CDH12: variants seen among roughly 807,000 people sequenced by gnomAD.
CDH12 encodes the protein cadherin-12.
CDH12 carries 41 observed loss-of-function variants against 74.1 expected under a neutral mutation model. The ratio of observed to expected loss-of-function variants is 0.55; its 90% CI spans 0.43 to 0.72. The LOEUF (loss-of-function observed/expected upper bound fraction) is 0.72. Among genes scored for constraint, CDH12 ranks in the 30% least tolerant of loss-of-function variants. CDH12 has a pLI of 0.00. For missense variants in CDH12, 945 were observed against 977.2 expected, an observed-to-expected ratio of 0.97 and a Z score of 0.44; for synonymous variants, 399 against 355.0, an observed-to-expected ratio of 1.12 and a Z score of -1.39.
chr5:22,555,162 T>C (rs564054790), intron 1 of CDH12, among the ~76,000 whole-genome samples: 1 of 152,190 alleles, frequency 6.6e-6, no homozygotes, highest in East Asian at 1.9e-4. Context: ...TAAATGTATC[T>C]TCTTGTGCCT....
intron 4 of CDH12, among the ~76,000 whole-genome samples, chr5:22,153,905 C>T (rs10473577): frequency 4.8e-4 from 36 of 75,078 alleles, no homozygotes; most frequent in African/African-American, 6.5e-4. Context: ...TATATATATA[C>T]ACACACATAC....
At chr5:22,304,989 T>C (rs1236420570) in intron 3 of CDH12, among the ~76,000 whole-genome samples, 3 of 152,216 alleles carry the variant, frequency 2.0e-5, no homozygotes, top group Non-Finnish European at 4.4e-5. Flanking sequence ...AGTCAATTCA[T>C]AAATATTCAA....
intron 5 of CDH12, among the ~76,000 whole-genome samples, chr5:22,032,444 G>T (rs1355301334): frequency 1.3e-5 from 2 of 151,848 alleles, no homozygotes; most frequent in Non-Finnish European, 2.9e-5. Flanking sequence ...AGGCACGGTG[G>T]CTCACTCCTA....
At position 21,883,570 on chromosome 5, in the gene CDH12, A is replaced by G. The variant is rs56947097; in HGVS notation, c.527-28780T>C. 1.7e-3 allele frequency: 2,689 copies of G among 1,606,326 alleles called. 44 individuals are homozygous for G. In the African/African-American group the frequency reaches 0.03, roughly 18 times the overall value. On this transcript the variant is annotated intron_variant, in intron 6 of 14. Coordinates refer to ENST00000382254, the MANE Select transcript of CDH12 (RefSeq NM_004061.5). ...GCTACTGGTGGTGCAGTGTTTGGAG[A>G]AGAGGGGTTGACCCTGAATCTTGAA...
At chr5:22,120,103 C>T (rs1745417216) in intron 4 of CDH12, among the ~76,000 whole-genome samples, 1 of 152,116 alleles carries the variant, frequency 6.6e-6, no homozygotes, top group Non-Finnish European at 1.5e-5. Context: ...CAGCTTTGTA[C>T]AAAACTGAAT....
intron 13 of CDH12, among the ~76,000 whole-genome samples, chr5:21,758,326 T>C (rs747953812): frequency 2.0e-5 from 3 of 151,914 alleles, no homozygotes; most frequent in Non-Finnish European, 4.4e-5. Flanking sequence ...ATTCAAACTC[T>C]ACTCAACTTG....
At chr5:22,059,257 A>C (rs1275784814) in intron 5 of CDH12, among the ~76,000 whole-genome samples, 6 of 111,896 alleles carry the variant, frequency 5.4e-5, no homozygotes, top group African/African-American at 2.2e-4. Flanking sequence ...CTTGTACTCT[A>C]TCTATCTATC....
intron 1 of CDH12, among the ~76,000 whole-genome samples, chr5:22,714,346 T>C (rs1030794982): frequency 2.0e-5 from 3 of 152,158 alleles, no homozygotes; most frequent in African/African-American, 4.8e-5. Flanking sequence ...TCTCATTAGC[T>C]TGAAGGTGGA....
intron 2 of CDH12, among the ~76,000 whole-genome samples, chr5:22,466,535 G>A (rs1452196434): frequency 6.6e-6 from 1 of 152,100 alleles, no homozygotes; most frequent in African/African-American, 2.4e-5. Context: ...GTTTGTGCAG[G>A]TGTGTGCACT....
At chr5:22,031,059 G>A (rs1738785828) in intron 5 of CDH12, among the ~76,000 whole-genome samples, 1 of 152,120 alleles carries the variant, frequency 6.6e-6, no homozygotes, top group Non-Finnish European at 1.5e-5. Flanking sequence ...TGTGGGCCAG[G>A]CATGGTATCT....
chr5:22,444,415 C>A (rs1490414544), intron 2 of CDH12, among the ~76,000 whole-genome samples: 1 of 152,064 alleles, frequency 6.6e-6, no homozygotes, highest in African/African-American at 2.4e-5. Context: ...ATATTTATTA[C>A]CTTCATCAAA....
intron 1 of CDH12, among the ~76,000 whole-genome samples, chr5:22,794,278 T>A (rs540546418): frequency 6.6e-6 from 1 of 152,154 alleles, no homozygotes; most frequent in Admixed American, 6.5e-5. Context: ...GACAAGGAGG[T>A]GGATGACCAG....
At chr5:21,857,850 G>A (rs1171828965) in intron 6 of CDH12, among the ~76,000 whole-genome samples, 2 of 151,806 alleles carry the variant, frequency 1.3e-5, no homozygotes, top group South Asian at 2.1e-4. Context: ...TTGGACACAG[G>A]AAGTTTGAGA....
At chr5:22,123,927 A>C (rs1414541909) in intron 4 of CDH12, among the ~76,000 whole-genome samples, 1 of 151,624 alleles carries the variant, frequency 6.6e-6, no homozygotes, top group Non-Finnish European at 1.5e-5. Context: ...TGAGTTTTTT[A>C]ATTTTTAAAA....
At chr5:22,752,395 C>T (rs1745624407) in intron 1 of CDH12, among the ~76,000 whole-genome samples, 1 of 151,706 alleles carries the variant, frequency 6.6e-6, no homozygotes, top group African/African-American at 2.4e-5. Flanking sequence ...TTTCATGAAG[C>T]ATGATACCTT....
At chr5:22,642,319 T>C (rs753976969) in intron 1 of CDH12, among the ~76,000 whole-genome samples, 6 of 152,190 alleles carry the variant, frequency 3.9e-5, no homozygotes, top group Non-Finnish European at 8.8e-5. Context: ...ATTTGCTCAT[T>C]GGCATAAGGA....
intron 8 of CDH12, among the ~76,000 whole-genome samples, chr5:21,831,059 AAAAC>A (rs1352500370): frequency 8.3e-6 from 1 of 120,394 alleles, no homozygotes; most frequent in Non-Finnish European, 1.6e-5. Flanking sequence ...AACAAAAACA[AAAAC>A]AAACAAAAAA....
chr5:22,230,574 G>A (rs374577253), intron 3 of CDH12, among the ~76,000 whole-genome samples: 11 of 150,840 alleles, frequency 7.3e-5, no homozygotes, highest in African/African-American at 2.7e-4. Context: ...CGGTTTAAGC[G>A]ATTCTCCTGC....
At chr5:22,756,788 C>T (rs1054086553) in intron 1 of CDH12, among the ~76,000 whole-genome samples, 9 of 151,886 alleles carry the variant, frequency 5.9e-5, no homozygotes, top group African/African-American at 1.7e-4. Context: ...GGTGAAACCC[C>T]GTCTCTACTA....
Sources: allele counts gnomAD v4.1 joint callset (sites outside exome capture counted in the v4.1 genomes callset), GRCh38; gene constraint gnomAD v4.1.1; transcripts MANE v1.5; gene names NCBI Gene and HGNC (gene_info 2026-07-23, HGNC 2026-07-21).